SLAMF7: variants seen among roughly 807,000 people sequenced by gnomAD.
SLAMF7 encodes 19A24 protein.
Under a neutral mutation model 34.1 loss-of-function variants are expected in SLAMF7, and 26 were observed. The observed-to-expected ratio is 0.76, with a 90% CI of 0.56 to 1.06. SLAMF7 has a LOEUF of 1.06. Ranked by LOEUF, SLAMF7 falls within the 50% of genes least tolerant of loss-of-function variation. The pLI is 0.00. For synonymous variants in SLAMF7, 171 were observed against 156.4 expected, an observed-to-expected ratio of 1.09 and a Z score of -0.70; for missense variants, 399 against 402.5, an observed-to-expected ratio of 0.99 and a Z score of 0.07.
At chr1:160,742,933 G>A (rs1031854798) in intron 1 of SLAMF7, among the ~76,000 whole-genome samples, 1 of 152,184 alleles carries the variant, frequency 6.6e-6, no homozygotes, top group South Asian at 2.1e-4. Flanking sequence ...TGCTGCTGGA[G>A]TTATGACTAC....
At chr1:160,740,292 A>AG (rs1663631301) in intron 1 of SLAMF7, among the ~76,000 whole-genome samples, 1 of 151,588 alleles carries the variant, frequency 6.6e-6, no homozygotes, top group African/African-American at 2.4e-5. Flanking sequence ...TTAAAAAAAA[A>AG]AAACAAAAAA....
chr1:160,746,225 T>A (rs1256873795), intron 1 of SLAMF7, among the ~76,000 whole-genome samples: 2 of 152,220 alleles, frequency 1.3e-5, no homozygotes, highest in Non-Finnish European at 2.9e-5. Context: ...AATGAATATA[T>A]AATGAATCCA....
chr1:160,742,679 G>A (rs557706899), intron 1 of SLAMF7, among the ~76,000 whole-genome samples: 4 of 152,308 alleles, frequency 2.6e-5, no homozygotes, highest in African/African-American at 4.8e-5. Flanking sequence ...ACCAAAACTC[G>A]AAGTGGTAAG....
intron 6 of SLAMF7, 131 bp from the exon 7 acceptor site, chr1:160,752,975 G>A: frequency 1.4e-6 from 1 of 718,784 alleles, no homozygotes; most frequent in South Asian, 1.6e-5. Context: ...ATCAAACAGT[G>A]GGAGCCAGCA....
chr1:160,749,894 A>G lies in SLAMF7; in HGVS notation c.450A>G (p.Thr150=). 2 of 1,614,090 alleles carry G rather than the reference A, an allele frequency of 1.2e-6. No individual in the cohort carries two copies. Among genetic ancestry groups the G allele is most frequent in the East Asian group, 4.5e-5 (2 of 44,880 alleles). The change falls in exon 3 of 7, where the codon ACA becomes ACG. Residue 150 remains threonine (T), a synonymous_variant. Transcript: ENST00000368043. ...NKNGTCVTNL[T]CCMEHGEEDV... ...ATGGCACCTGTGTGACCAATCTGAC[A>G]TGCTGCATGGAACATGGGGAAGAGG... is the stretch of plus-strand genomic sequence containing the variant.
At chr1:160,744,043 C>T (rs963884241) in intron 1 of SLAMF7, among the ~76,000 whole-genome samples, 1 of 152,168 alleles carries the variant, frequency 6.6e-6, no homozygotes, top group Non-Finnish European at 1.5e-5. Context: ...CTACCAACTC[C>T]GTAAGTGCCA....
Position 160,753,106 on chromosome 1 carries a change from A to G in SLAMF7, c.937A>G (p.Met313Val), listed in dbSNP as rs751038803. The change falls in exon 7 of 7, where the codon ATG becomes GTG. Residue 313 changes from methionine (M) to valine (V), a missense_variant and splice_region_variant. By Grantham distance (21) the Met-to-Val change is conservative (BLOSUM62 1). Coordinates refer to ENST00000368043, the MANE Select transcript of SLAMF7 (RefSeq NM_021181.5). Reference sequence around the variant, plus strand: ...CTACTTTCTTTTTGTCTGTCTTCAGATGGAAAATCCCCACTCACTGCTCAC... The same window carrying G: ...CTACTTTCTTTTTGTCTGTCTTCAGGTGGAAAATCCCCACTCACTGCTCAC... The part of the protein sequence containing the change: ...VYSTVEIPKK[M>V]ENPHSLLTMP... The G allele has an allele frequency of 6.2e-7, 1 of 1,613,718 alleles. No individual in the cohort carries two copies. The highest frequency in any genetic ancestry group is 1.1e-5 in the South Asian group (1 of 91,078).
Position 160,750,075 on chromosome 1 carries a change from G to C in SLAMF7, c.631G>C (p.Ala211Pro). Residue 211 changes from alanine (A) to proline (P), a missense_variant, in exon 3 of 7, where the codon GCC becomes CCC. Ala to Pro is a conservative substitution (Grantham distance 27). Transcript: ENST00000368043. ...VSRNFSSPIL[A>P]RKLCEGAADD... The stretch of plus-strand genomic sequence containing the variant: ...CAGAAACTTCTCAAGCCCCATCCTT[G>C]CCAGGAAGCTCTGTGAAGGTGACTG... 1 of 1,613,902 alleles carries C rather than the reference G, an allele frequency of 6.2e-7. No individual in the cohort carries two copies. Among genetic ancestry groups the C allele is most frequent in the East Asian group, 2.2e-5 (1 of 44,876 alleles).
chr1:160,739,408 G>A (rs770594560), intron 1 of SLAMF7, 52 bp downstream of exon 1: 24 of 1,523,442 alleles, frequency 1.6e-5, no homozygotes, highest in Non-Finnish European at 2.0e-5. Flanking sequence ...ATCCTGAATA[G>A]TTCCAGGTTT....
intron 2 of SLAMF7, among the ~76,000 whole-genome samples, chr1:160,748,946 G>T (rs1664343826): frequency 6.6e-6 from 1 of 152,176 alleles, no homozygotes; most frequent in Admixed American, 6.5e-5. Context: ...AGAAGGAGGG[G>T]ATTAAAATAT....
rs79205356 is a variant in SLAMF7, at chr1:160,754,048, A to G, written c.*871A>G. ...GAGACCGAGTCTGAAGTCACATTGTAAATCTAGTGTAGGAGACTTGGAGTC... is the reference window on the plus strand; with the variant it reads ...GAGACCGAGTCTGAAGTCACATTGTGAATCTAGTGTAGGAGACTTGGAGTC... On this transcript the variant is annotated 3_prime_UTR_variant, in exon 7 of 7. Transcript: ENST00000368043. 1,505 of 152,752 alleles carry G rather than the reference A, an allele frequency of 9.9e-3. 26 individuals are homozygous for G. Among genetic ancestry groups the G allele is most frequent in the South Asian group, 0.06 (291 of 4,832 alleles). 9.5% of individuals were successfully genotyped at this position (152,752 alleles called of 1,614,324 possible). A position where few individuals can be genotyped will look rare whatever the true frequency, so the allele number is the denominator to read the frequency against.
At chr1:160,742,111 G>A (rs1231488420) in intron 1 of SLAMF7, among the ~76,000 whole-genome samples, 1 of 152,112 alleles carries the variant, frequency 6.6e-6, no homozygotes, top group Non-Finnish European at 1.5e-5. Context: ...CACTGATAAT[G>A]TATCTTCCTC....
At chr1:160,741,934 C>T (rs1381723858) in intron 1 of SLAMF7, among the ~76,000 whole-genome samples, 1 of 152,136 alleles carries the variant, frequency 6.6e-6, no homozygotes, top group Non-Finnish European at 1.5e-5. Context: ...TGCTCTGGTT[C>T]ATGGTTTTCA....
chr1:160,744,360 G>C (rs950723628), intron 1 of SLAMF7, among the ~76,000 whole-genome samples: 1 of 151,954 alleles, frequency 6.6e-6, no homozygotes, highest in Non-Finnish European at 1.5e-5. Flanking sequence ...CCCACATTCC[G>C]AGAATGGCAT....
intron 2 of SLAMF7, among the ~76,000 whole-genome samples, chr1:160,749,396 G>T (rs886769856): frequency 1.3e-5 from 2 of 152,172 alleles, no homozygotes; most frequent in African/African-American, 4.8e-5. Flanking sequence ...AGAGAAGGGG[G>T]CCAGAAGGGC....
rs755459128 is a variant in SLAMF7, at chr1:160,750,102, C to G, written c.649+9C>G. 8 of 1,612,162 alleles carry G rather than the reference C, an allele frequency of 5.0e-6. No individual in the cohort carries two copies. In the East Asian group the frequency reaches 1.6e-4, roughly 31 times the overall value. On this transcript the variant is annotated intron_variant, in intron 3 of 6. Coordinates refer to ENST00000368043, the MANE Select transcript of SLAMF7 (RefSeq NM_021181.5). The stretch of plus-strand genomic sequence containing the variant: ...CAGGAAGCTCTGTGAAGGTGACTGC[C>G]TCTCCCCTCTCCACAGGAGACTCTG...
chr1:160,742,971 A>G (rs1267726518), intron 1 of SLAMF7, among the ~76,000 whole-genome samples: 1 of 152,088 alleles, frequency 6.6e-6, no homozygotes, highest in East Asian at 1.9e-4. Context: ...CCCAGAATGG[A>G]CCCTGACTCC....
At position 160,750,022 on chromosome 1, in the gene SLAMF7, T is replaced by G. The variant is rs1468582809; in HGVS notation, c.578T>G (p.Phe193Cys). 6.2e-7 allele frequency: 1 copy of G among 1,614,136 alleles called. No individual in the cohort carries two copies. Among genetic ancestry groups the G allele is most frequent in the Admixed American group, 1.7e-5 (1 of 60,024 alleles). ...AGATGGGGAGAAAGTGATATGACCTTCATCTGCGTTGCCAGGAACCCTGTC... is the reference window on the plus strand; with the variant it reads ...AGATGGGGAGAAAGTGATATGACCTGCATCTGCGTTGCCAGGAACCCTGTC... ...SWRWGESDMT[F>C]ICVARNPVSR... The change falls in exon 3 of 7, where the codon TTC becomes TGC. Residue 193 changes from phenylalanine (F) to cysteine (C), a missense_variant. By Grantham distance (205) the Phe-to-Cys change is radical. Coordinates refer to ENST00000368043, the MANE Select transcript of SLAMF7 (RefSeq NM_021181.5).
chr1:160,744,959 T>C (rs1245280062), intron 1 of SLAMF7, among the ~76,000 whole-genome samples: 1 of 152,208 alleles, frequency 6.6e-6, no homozygotes, highest in Non-Finnish European at 1.5e-5. Context: ...CCGGCCTTAA[T>C]ATTAAGGAAG....
Sources: allele counts gnomAD v4.1 joint callset (sites outside exome capture counted in the v4.1 genomes callset), GRCh38; gene constraint gnomAD v4.1.1; transcripts MANE v1.5; gene names NCBI Gene and HGNC (gene_info 2026-07-23, HGNC 2026-07-21).